Variants in MYO3B observed in about 807,000 individuals in gnomAD.
The protein encoded by MYO3B is myosin IIIB.
MYO3B carries 156 observed loss-of-function variants against 174.6 expected under a neutral mutation model. That is an observed-to-expected ratio of 0.89 (90% confidence interval 0.78 to 1.02). MYO3B has a LOEUF of 1.02. MYO3B is among the 50% of genes least tolerant of loss of function. The pLI, the probability that MYO3B is intolerant of heterozygous loss-of-function variation, is 0.00. For synonymous variants in MYO3B, 563 were observed against 569.1 expected, an observed-to-expected ratio of 0.99 and a Z score of 0.15; for missense variants, 1,632 against 1,639.4, an observed-to-expected ratio of 1.00 and a Z score of 0.08.
Position 170,387,357 on chromosome 2 carries a change from G to C in MYO3B, c.1577+49G>C, listed in dbSNP as rs780693878. On this transcript the variant is annotated intron_variant, in intron 14 of 34. Transcript: ENST00000408978. ...TGTTTTTGCCCTGCAGTAAAAACTG[G>C]GAGACTTTGGAAATTTTAATGGTTC... The C allele has an allele frequency of 3.2e-6, 5 of 1,545,958 alleles. No homozygotes were observed. The South Asian group carries it at 5.7e-5, about 18-fold the overall frequency.
intron 8 of MYO3B, among the ~76,000 whole-genome samples, chr2:170,343,306 G>A (rs1436410982): frequency 6.6e-6 from 1 of 152,054 alleles, no homozygotes; most frequent in Non-Finnish European, 1.5e-5. Context: ...GGTGGTGTGT[G>A]CCTATATAGT....
At position 170,652,331 on chromosome 2, in the gene MYO3B, A is replaced by G. The variant is rs550302046; in HGVS notation, c.3887+177A>G. Among the ~76,000 whole-genome samples, 5 of 152,298 alleles carry G rather than the reference A, an allele frequency of 3.3e-5. No homozygotes were observed. In the South Asian group the frequency reaches 1.0e-3, roughly 32 times the overall value. ...TAGCAAGTATACAAAACTTGAATCT[A>G]TTCTGTCCAAAAAGGTTGAAATTGT... On this transcript the variant is annotated intron_variant, in intron 34 of 34. Coordinates refer to ENST00000408978, the MANE Select transcript of MYO3B (RefSeq NM_138995.5).
intron 7 of MYO3B, among the ~76,000 whole-genome samples, chr2:170,290,337 T>TC (rs1475712723): frequency 6.6e-6 from 1 of 152,194 alleles, no homozygotes; most frequent in Non-Finnish European, 1.5e-5. Flanking sequence ...TGTTAATTTT[T>TC]CCTTTATATA....
chr2:170,280,513 A>G (rs2093500301), intron 7 of MYO3B, among the ~76,000 whole-genome samples: 1 of 148,642 alleles, frequency 6.7e-6, no homozygotes, highest in Admixed American at 6.7e-5. Context: ...TTTTGCCATG[A>G]AATTTTTGCC....
intron 22 of MYO3B, among the ~76,000 whole-genome samples, chr2:170,423,966 A>T (rs1475123366): frequency 2.0e-5 from 3 of 152,146 alleles, no homozygotes; most frequent in Non-Finnish European, 4.4e-5. Context: ...ATGTTTTCCA[A>T]AGTGTTTTTC....
At chr2:170,614,306 G>C (rs573370755) in intron 32 of MYO3B, among the ~76,000 whole-genome samples, 45 of 152,266 alleles carry the variant, frequency 3.0e-4, no homozygotes, top group African/African-American at 1.0e-3. Context: ...CATCCAGAAT[G>C]CCACCTGACA....
At chr2:170,195,089 C>T (rs2092583834) in intron 1 of MYO3B, among the ~76,000 whole-genome samples, 1 of 151,982 alleles carries the variant, frequency 6.6e-6, no homozygotes, top group Non-Finnish European at 1.5e-5. Flanking sequence ...AGTCCACTAA[C>T]TCAAATGTTA....
chr2:170,436,961 T>C (rs1283995348), intron 22 of MYO3B, among the ~76,000 whole-genome samples: 1 of 152,192 alleles, frequency 6.6e-6, no homozygotes, highest in Non-Finnish European at 1.5e-5. Context: ...AATAAAATAC[T>C]ACCTAATGTG....
intron 32 of MYO3B, among the ~76,000 whole-genome samples, chr2:170,608,246 C>T (rs1694933013): frequency 6.6e-6 from 1 of 152,160 alleles, no homozygotes; most frequent in Non-Finnish European, 1.5e-5. Context: ...GGTTTGGGAG[C>T]ATATGGGTTC....
At chr2:170,330,506 T>A (rs946074657) in intron 7 of MYO3B, among the ~76,000 whole-genome samples, 1 of 152,190 alleles carries the variant, frequency 6.6e-6, no homozygotes, top group Non-Finnish European at 1.5e-5. Context: ...CTGGAATAAT[T>A]CCTATTTAAT....
intron 7 of MYO3B, among the ~76,000 whole-genome samples, chr2:170,257,359 C>CA (rs1296180573): frequency 2.6e-5 from 4 of 151,860 alleles, no homozygotes; most frequent in Non-Finnish European, 5.9e-5. Flanking sequence ...TCGATAAATT[C>CA]AAAAAAATTG....
rs977548360 is a variant in MYO3B, at chr2:170,542,927, T to C, written c.3597T>C (p.Ser1199=). The C allele has an allele frequency of 7.5e-6, 12 of 1,609,840 alleles. No individual in the cohort carries two copies. The highest frequency in any genetic ancestry group is 1.0e-5 in the Non-Finnish European group (12 of 1,177,770). Residue 1199 remains serine (S), a synonymous_variant, in exon 31 of 35, where the codon TCT becomes TCC. Transcript: ENST00000408978. ...TCAGGCATTCACAAGCCCAGAGTTCTCCAAAAGGGTGCGATATCTTCGCAG... is the reference window on the plus strand; with the variant it reads ...TCAGGCATTCACAAGCCCAGAGTTCCCCAAAAGGGTGCGATATCTTCGCAG... The part of the protein sequence containing the change: ...EKNGHSQAQS[S]PKGCDIFAGH...
At chr2:170,349,131 C>A (rs936011309) in intron 8 of MYO3B, among the ~76,000 whole-genome samples, 2 of 152,082 alleles carry the variant, frequency 1.3e-5, no homozygotes, top group African/African-American at 4.8e-5. Context: ...AAGGATCTGC[C>A]CCTTTCTATG....
intron 32 of MYO3B, among the ~76,000 whole-genome samples, chr2:170,642,181 TATTCACTC>T (rs1293472059): frequency 1.4e-5 from 2 of 147,936 alleles, no homozygotes; most frequent in African/African-American, 2.7e-5. Flanking sequence ...GAATAGTCAG[TATTCACTC>T]ATTCACTCAT....
intron 8 of MYO3B, among the ~76,000 whole-genome samples, chr2:170,360,232 AG>A (rs1443093160): frequency 2.0e-5 from 3 of 152,196 alleles, no homozygotes; most frequent in Non-Finnish European, 1.5e-5. Flanking sequence ...GATTTAATTC[AG>A]GGAAGGGTGG....
intron 32 of MYO3B, among the ~76,000 whole-genome samples, chr2:170,581,237 C>T (rs753295223): frequency 6.6e-5 from 10 of 152,126 alleles, no homozygotes; most frequent in Non-Finnish European, 1.0e-4. Context: ...AATGACATAT[C>T]GCTTTTTTTG....
chr2:170,209,478 T>C lies in MYO3B; in HGVS notation c.322-4901T>C, dbSNP rs181105279. Among the ~76,000 whole-genome samples the C allele has an allele frequency of 9.1e-4, 139 of 152,368 alleles. No homozygotes were observed. The South Asian group carries it at 0.012, about 13-fold the overall frequency. On this transcript the variant is annotated intron_variant, in intron 3 of 34. Coordinates refer to ENST00000408978, the MANE Select transcript of MYO3B (RefSeq NM_138995.5). ...AACTCTTGTTTGATATTCATGAACA[T>C]TTCAGCTCTTTATGAGTCCTGTACA...
chr2:170,233,283 G>C (rs1024477947), intron 6 of MYO3B, among the ~76,000 whole-genome samples: 1 of 152,188 alleles, frequency 6.6e-6, no homozygotes, highest in Non-Finnish European at 1.5e-5. Context: ...ATTATGATAG[G>C]TTCACCTTAT....
chr2:170,332,642 G>T (rs1453212128), intron 7 of MYO3B, among the ~76,000 whole-genome samples: 1 of 152,142 alleles, frequency 6.6e-6, no homozygotes, highest in Non-Finnish European at 1.5e-5. Context: ...ACATTTACAG[G>T]ATCAAATGAG....
Sources: gnomAD v4.1 joint callset for allele counts (sites outside exome capture counted in the v4.1 genomes callset) on GRCh38, gnomAD v4.1.1 for gene constraint, MANE v1.5 for transcripts, NCBI Gene and HGNC (gene_info 2026-07-23, HGNC 2026-07-21) for gene names.